Variants in ATE1 observed in about 807,000 individuals in gnomAD.
ATE1 encodes arginyltransferase 1, also known as arginyl-tRNA--protein transferase 1.
Under a neutral mutation model 70.5 loss-of-function variants are expected in ATE1, and 36 were observed. The ratio of observed to expected loss-of-function variants is 0.51; its 90% CI spans 0.39 to 0.67. ATE1 has a LOEUF of 0.67. ATE1 is among the 30% of genes least tolerant of loss of function. The probability of loss-of-function intolerance (pLI) is 0.00; values close to 1 mark genes in which losing one functional copy is unlikely to be tolerated. For missense variants in ATE1, 593 were observed against 629.5 expected (o/e 0.94, Z 0.62); for synonymous variants, 232 against 219.3 (o/e 1.06, Z -0.51).
chr10:121,899,087 G>T, intron 7 of ATE1: 1 of 1,215,044 alleles, frequency 8.2e-7, no homozygotes, highest in Non-Finnish European at 1.1e-6. Flanking sequence ...ACTCGAATTT[G>T]TCATGAAAAG....
At position 121,799,994 on chromosome 10, in the gene ATE1, C is replaced by T. The variant is rs182147995; in HGVS notation, c.1258-9705G>A. Reference sequence around the variant, plus strand: ...CAAATCCTGTGTTAAAAGGTCCACTCTTTGATTACGATAGTAAATCCAGAA... The same window carrying T: ...CAAATCCTGTGTTAAAAGGTCCACTTTTTGATTACGATAGTAAATCCAGAA... On this transcript the variant is annotated intron_variant, in intron 10 of 11. Coordinates refer to ENST00000224652, the MANE Select transcript of ATE1 (RefSeq NM_001001976.3). Among the ~76,000 whole-genome samples the T allele has an allele frequency of 1.9e-3, 286 of 152,260 alleles. 1 individual carries two copies. The highest frequency in any genetic ancestry group is 6.4e-3 in the African/African-American group (268 of 41,578).
chr10:121,787,615 T>C (rs1658480974), intron 11 of ATE1, among the ~76,000 whole-genome samples: 1 of 152,212 alleles, frequency 6.6e-6, no homozygotes, highest in Admixed American at 6.5e-5. Context: ...TCTTTCTAAA[T>C]GAATTCTAAA....
chr10:121,917,914 TACTG>T (rs1353573529), intron 3 of ATE1, among the ~76,000 whole-genome samples: 1 of 152,212 alleles, frequency 6.6e-6, no homozygotes, highest in African/African-American at 2.4e-5. Flanking sequence ...GGAGAGTCCC[TACTG>T]ACTAACAAGA....
At chr10:121,874,654 T>C (rs956304314) in intron 7 of ATE1, among the ~76,000 whole-genome samples, 5 of 152,214 alleles carry the variant, frequency 3.3e-5, no homozygotes, top group Non-Finnish European at 7.3e-5. Context: ...GGATTGTTTG[T>C]GCTACCTCTT....
At position 121,806,455 on chromosome 10, in the gene ATE1, C is replaced by T. The variant is rs115238059; in HGVS notation, c.1258-16166G>A. 7.8e-3 allele frequency among the ~76,000 whole-genome samples: 1,190 copies of T among 152,142 alleles called. 18 individuals carry two copies. Among genetic ancestry groups the T allele is most frequent in the African/African-American group, 0.028 (1,148 of 41,512 alleles). On this transcript the variant is annotated intron_variant, in intron 10 of 11. Transcript: ENST00000224652. Reference sequence around the variant, plus strand: ...GTGACCGAGTGAGACCCTGACTCCCCCACCCCCAAAAAACCCATAACAAAT... The same window carrying T: ...GTGACCGAGTGAGACCCTGACTCCCTCACCCCCAAAAAACCCATAACAAAT...
chr10:121,845,519 G>A (rs1948784182), intron 8 of ATE1, among the ~76,000 whole-genome samples: 1 of 152,176 alleles, frequency 6.6e-6, no homozygotes, highest in Non-Finnish European at 1.5e-5. Context: ...TGCTGAGGGA[G>A]GGGAAAGCTG....
At chr10:121,826,573 G>C (rs549722837) in intron 10 of ATE1, among the ~76,000 whole-genome samples, 1 of 152,138 alleles carries the variant, frequency 6.6e-6, no homozygotes, top group Non-Finnish European at 1.5e-5. Context: ...CCAAAGTGCT[G>C]GGATTACAGG....
intron 10 of ATE1, among the ~76,000 whole-genome samples, chr10:121,811,050 T>C (rs1272213158): frequency 6.6e-6 from 1 of 152,190 alleles, no homozygotes; most frequent in Non-Finnish European, 1.5e-5. Flanking sequence ...ATAAAGGACA[T>C]TATGGGTCGA....
At chr10:121,883,763 T>G (rs925238748) in intron 7 of ATE1, among the ~76,000 whole-genome samples, 11 of 152,184 alleles carry the variant, frequency 7.2e-5, no homozygotes, top group African/African-American at 2.7e-4. Flanking sequence ...CATATTTTAC[T>G]GAGGCCCACT....
At chr10:121,809,375 A>C (rs1407500359) in intron 10 of ATE1, among the ~76,000 whole-genome samples, 1 of 152,046 alleles carries the variant, frequency 6.6e-6, no homozygotes, top group East Asian at 1.9e-4. Context: ...CAGCTACACG[A>C]GTGTTTTTCC....
At chr10:121,904,312 A>G (rs1951103147) in intron 5 of ATE1, among the ~76,000 whole-genome samples, 2 of 151,642 alleles carry the variant, frequency 1.3e-5, no homozygotes, top group Non-Finnish European at 2.9e-5. Flanking sequence ...TTATGCTAGT[A>G]ATTTTTTAGA....
intron 8 of ATE1, among the ~76,000 whole-genome samples, chr10:121,855,060 G>A (rs10886998): frequency 0.3 from 46,053 of 152,104 alleles, 8,297 homozygotes; most frequent in Middle Eastern, 0.42. Flanking sequence ...AGCTTCACAC[G>A]TAAGGGAAGT....
intron 8 of ATE1, among the ~76,000 whole-genome samples, chr10:121,858,690 T>TAATATATATATTTTTA (rs1949349343): frequency 3.2e-5 from 1 of 31,188 alleles, no homozygotes; most frequent in Non-Finnish European, 7.6e-5. Context: ...TTTTTATATA[T>TAATATATATATTTTTA]TATATTTTTT....
intron 9 of ATE1, among the ~76,000 whole-genome samples, chr10:121,838,838 T>C (rs754175171): frequency 5.3e-5 from 8 of 152,090 alleles, no homozygotes; most frequent in Non-Finnish European, 1.0e-4. Context: ...AAGCAGAGGC[T>C]GATTACAAAA....
intron 8 of ATE1, among the ~76,000 whole-genome samples, chr10:121,854,741 A>G (rs1241113591): frequency 2.0e-5 from 3 of 152,206 alleles, no homozygotes; most frequent in Non-Finnish European, 4.4e-5. Context: ...CTTCAAACAC[A>G]GAAACACCCT....
rs545887304 is a variant in ATE1 at position 121,779,987 on chromosome 10, T to G, written c.1378+10182A>C. ...CTGGCCTCCAATGGAATTCTTCATC[T>G]GCTCAGTCATTATATGCTGGGCCCT... is the stretch of plus-strand genomic sequence containing the variant. On this transcript the variant is annotated intron_variant, in intron 11 of 11. Transcript: ENST00000224652. Among the ~76,000 whole-genome samples the G allele has an allele frequency of 2.0e-5, 3 of 152,320 alleles. No homozygotes were observed. The East Asian group carries it at 5.8e-4, about 29-fold the overall frequency.
At chr10:121,755,029 G>T (rs182099770) in intron 11 of ATE1, among the ~76,000 whole-genome samples, 1 of 152,088 alleles carries the variant, frequency 6.6e-6, no homozygotes, top group African/African-American at 2.4e-5. Flanking sequence ...AAAAGACAAG[G>T]ATATACTATG....
intron 7 of ATE1, among the ~76,000 whole-genome samples, chr10:121,874,356 C>A (rs1312329847): frequency 1.3e-5 from 2 of 152,160 alleles, no homozygotes; most frequent in Admixed American, 1.3e-4. Context: ...AAATCTACAA[C>A]TCTAAGAAAT....
At chr10:121,849,693 T>C (rs1052651929) in intron 8 of ATE1, among the ~76,000 whole-genome samples, 4 of 152,354 alleles carry the variant, frequency 2.6e-5, no homozygotes, top group Middle Eastern at 3.4e-3. Flanking sequence ...AATAATGATC[T>C]GCTCTTCTCA....
Sources: gnomAD v4.1 joint callset for allele counts (sites outside exome capture counted in the v4.1 genomes callset) on GRCh38, gnomAD v4.1.1 for gene constraint, MANE v1.5 for transcripts, NCBI Gene and HGNC (gene_info 2026-07-23, HGNC 2026-07-21) for gene names.